Variants in SIPA1L3 observed in about 807,000 individuals in gnomAD.
SIPA1L3 encodes signal induced proliferation associated 1 like 3, also known as signal-induced proliferation-associated 1-like protein 3.
Under a neutral mutation model 150.1 loss-of-function variants are expected in SIPA1L3, and 59 were observed. The ratio of observed to expected loss-of-function variants is 0.39; its 90% confidence interval spans 0.32 to 0.49. SIPA1L3 has a LOEUF of 0.49. Ranked by LOEUF, SIPA1L3 falls within the 20% of genes least tolerant of loss-of-function variation. The pLI, the probability that SIPA1L3 is intolerant of heterozygous loss-of-function variation, is 0.86. For synonymous variants in SIPA1L3, 1,070 were observed against 1,077.6 expected (o/e 0.99, Z 0.14); for missense variants, 2,211 against 2,489.5 (o/e 0.89, Z 2.38).
intron 1 of SIPA1L3, among the ~76,000 whole-genome samples, chr19:37,914,893 C>T (rs894351341): frequency 6.6e-6 from 1 of 152,152 alleles, no homozygotes; most frequent in Non-Finnish European, 1.5e-5. Context: ...ACACATTCCT[C>T]AGTTAATCCT....
intron 2 of SIPA1L3, among the ~76,000 whole-genome samples, chr19:38,063,490 T>C (rs1969500612): frequency 6.6e-6 from 1 of 152,242 alleles, no homozygotes; most frequent in Admixed American, 6.5e-5. Context: ...TCCCTGGCTC[T>C]ATTTAATCAA....
chr19:37,965,447 C>T (rs991585288), intron 1 of SIPA1L3, among the ~76,000 whole-genome samples: 1 of 151,718 alleles, frequency 6.6e-6, no homozygotes. Context: ...TCCTGAGTAG[C>T]TGGGATTACA....
At chr19:38,058,086 G>A (rs1286382748) in intron 2 of SIPA1L3, among the ~76,000 whole-genome samples, 1 of 152,070 alleles carries the variant, frequency 6.6e-6, no homozygotes, top group Non-Finnish European at 1.5e-5. Context: ...TGGGCTCATC[G>A]GGCTCCTGGA....
At chr19:38,064,717 A>C (rs1969532321) in intron 2 of SIPA1L3, among the ~76,000 whole-genome samples, 1 of 152,202 alleles carries the variant, frequency 6.6e-6, no homozygotes. Context: ...AAGAAGAAAA[A>C]ATGATAATAG....
chr19:37,943,000 C>T (rs1360300651), intron 1 of SIPA1L3, among the ~76,000 whole-genome samples: 1 of 150,934 alleles, frequency 6.6e-6, no homozygotes, highest in Non-Finnish European at 1.5e-5. Flanking sequence ...GCGTGAGCCA[C>T]ACCCAGCCTC....
At chr19:38,183,935 A>G (rs1972620398) in intron 16 of SIPA1L3, among the ~76,000 whole-genome samples, 1 of 152,214 alleles carries the variant, frequency 6.6e-6, no homozygotes. Flanking sequence ...CGGAGGGTTC[A>G]GGAGAAAAGG....
At chr19:37,929,867 T>G (rs569961696) in intron 1 of SIPA1L3, among the ~76,000 whole-genome samples, 8 of 152,174 alleles carry the variant, frequency 5.3e-5, no homozygotes, top group Non-Finnish European at 7.4e-5. Flanking sequence ...ATGTATGTGT[T>G]TGTTGTTTTT....
intron 1 of SIPA1L3, among the ~76,000 whole-genome samples, chr19:37,990,248 T>A (rs1284447207): frequency 6.6e-6 from 1 of 152,018 alleles, no homozygotes; most frequent in Admixed American, 6.6e-5. Context: ...TACCTGGGGG[T>A]AGGGACAGAG....
intron 1 of SIPA1L3, among the ~76,000 whole-genome samples, chr19:37,941,070 GTACACACACACACACA>G (rs1258065587): frequency 4.1e-4 from 57 of 137,942 alleles, no homozygotes; most frequent in East Asian, 1.4e-3. Flanking sequence ...GGTTTGAGAT[GTACACACACACACACA>G]TACACACACA....
intron 10 of SIPA1L3, 34 bp from the exon 11 acceptor site, chr19:38,141,150 G>C: frequency 6.5e-7 from 1 of 1,542,814 alleles, no homozygotes; most frequent in Non-Finnish European, 8.8e-7. Flanking sequence ...TGGTGGGCTG[G>C]GGCCTTTCTG....
intron 1 of SIPA1L3, among the ~76,000 whole-genome samples, chr19:37,912,465 G>C (rs1380770133): frequency 6.6e-6 from 1 of 152,046 alleles, no homozygotes; most frequent in Non-Finnish European, 1.5e-5. Context: ...GGTTTCATAA[G>C]ATTATCTATG....
At chr19:37,958,741 A>T (rs576726310) in intron 1 of SIPA1L3, among the ~76,000 whole-genome samples, 1 of 152,350 alleles carries the variant, frequency 6.6e-6, no homozygotes, top group Non-Finnish European at 1.5e-5. Flanking sequence ...GCCATCAAGA[A>T]CATAAAAAGA....
At chr19:37,925,448 A>G (rs1398993043) in intron 1 of SIPA1L3, among the ~76,000 whole-genome samples, 3 of 152,112 alleles carry the variant, frequency 2.0e-5, no homozygotes, top group Non-Finnish European at 2.9e-5. Flanking sequence ...TGAGGCCCAC[A>G]TGGCTGGAGC....
At chr19:37,953,835 C>A (rs1468430778) in intron 1 of SIPA1L3, among the ~76,000 whole-genome samples, 1 of 152,144 alleles carries the variant, frequency 6.6e-6, no homozygotes, top group Non-Finnish European at 1.5e-5. Flanking sequence ...TCCTACAGCT[C>A]AGCCACCAGG....
chr19:38,203,183 G>T (rs1219370218), intron 20 of SIPA1L3, among the ~76,000 whole-genome samples: 1 of 152,190 alleles, frequency 6.6e-6, no homozygotes, highest in Non-Finnish European at 1.5e-5. Context: ...GTAATTACAA[G>T]AAATCAGCAG....
chr19:38,187,589 C>T (rs1264267304), intron 16 of SIPA1L3, among the ~76,000 whole-genome samples: 6 of 150,806 alleles, frequency 4.0e-5, no homozygotes, highest in African/African-American at 1.5e-4. Flanking sequence ...AGGTGGCGGG[C>T]GCCTGTAGTC....
chr19:38,048,561 A>G (rs370939829), intron 2 of SIPA1L3, among the ~76,000 whole-genome samples: 18 of 152,180 alleles, frequency 1.2e-4, no homozygotes, highest in African/African-American at 3.1e-4. Context: ...CTCTTGACCA[A>G]CTGGGTTCTG....
At position 38,082,476 on chromosome 19, in the gene SIPA1L3, A is replaced by T; in HGVS notation, c.911A>T (p.Lys304Met). 1 of 1,590,882 alleles carries T rather than the reference A, an allele frequency of 6.3e-7. No individual in the cohort carries two copies. The highest frequency in any genetic ancestry group is 8.6e-7 in the Non-Finnish European group (1 of 1,168,204). The change falls in exon 3 of 22, where the codon AAG becomes ATG. Residue 304 changes from lysine (K) to methionine (M), a missense_variant. By Grantham distance (95) the Lys-to-Met change is moderately conservative. Transcript: ENST00000222345. ...GDTVDSSIFR[K>M]LRSSKPEGEA... Reference sequence around the variant, plus strand: ...ACGGTGGACTCGTCCATCTTTCGGAAGCTAAGGAGCAGCAAACCCGAGGGG... The same window carrying T: ...ACGGTGGACTCGTCCATCTTTCGGATGCTAAGGAGCAGCAAACCCGAGGGG...
At chr19:37,993,933 C>T (rs1284427343) in intron 1 of SIPA1L3, among the ~76,000 whole-genome samples, 2 of 151,874 alleles carry the variant, frequency 1.3e-5, no homozygotes, top group African/African-American at 2.4e-5. Context: ...CTTGCTCTGT[C>T]GCCTAGGCTG....
Sources: gnomAD v4.1 joint callset for allele counts (sites outside exome capture counted in the v4.1 genomes callset) on GRCh38, gnomAD v4.1.1 for gene constraint, MANE v1.5 for transcripts, NCBI Gene and HGNC (gene_info 2026-07-23, HGNC 2026-07-21) for gene names.